FOXO1: variants seen among roughly 807,000 people sequenced by gnomAD.
FOXO1 encodes forkhead box protein O1.
FOXO1 carries 6 observed loss-of-function variants against 44.1 expected under a neutral mutation model. The observed-to-expected ratio is 0.14, with a 90% confidence interval of 0.07 to 0.27. The LOEUF is 0.27. FOXO1 is among the 10% of genes least tolerant of loss of function. FOXO1 has a pLI of 1.00. For missense variants in FOXO1, 737 were observed against 888.8 expected (o/e 0.83, Z 2.17); for synonymous variants, 380 against 362.7 (o/e 1.05, Z -0.54).
chr13:40,573,555 G>T (rs1874628438), intron 1 of FOXO1, among the ~76,000 whole-genome samples: 1 of 152,204 alleles, frequency 6.6e-6, no homozygotes, highest in African/African-American at 2.4e-5. Flanking sequence ...TTACCATATG[G>T]ACAGTGTTCC....
intron 1 of FOXO1, among the ~76,000 whole-genome samples, chr13:40,663,652 G>C (rs1878119914): frequency 6.6e-6 from 1 of 152,192 alleles, no homozygotes. Context: ...TCGATTTTGT[G>C]ACTTAATAGA....
chr13:40,609,292 A>G (rs527545662), intron 1 of FOXO1, among the ~76,000 whole-genome samples: 5 of 152,184 alleles, frequency 3.3e-5, no homozygotes, highest in African/African-American at 4.8e-5. Context: ...TCTGCTTGCC[A>G]TGACAAGGTT....
chr13:40,564,516 T>A (rs1874184265), intron 1 of FOXO1, among the ~76,000 whole-genome samples: 1 of 151,838 alleles, frequency 6.6e-6, no homozygotes, highest in Non-Finnish European at 1.5e-5. Flanking sequence ...GGGGGTGGGG[T>A]TTGAAAAGGT....
rs1878254188 is a variant in FOXO1, at chr13:40,666,306, C to G, written c.-94G>C. The G allele has an allele frequency of 9.2e-7, 1 of 1,088,000 alleles. No homozygotes were observed. Among genetic ancestry groups the G allele is most frequent in the South Asian group, 2.4e-5 (1 of 41,588 alleles). The allele number at this position is 1,088,000 out of a possible 1,614,324, so 67.4% of individuals were successfully genotyped here. A position where few individuals can be genotyped will look rare whatever the true frequency, so the allele number is the denominator to read the frequency against. On this transcript the variant is annotated 5_prime_UTR_variant, in exon 1 of 3. Transcript: ENST00000379561. ...GGGGAGGGGGCGCGAAGGGACGGTC[C>G]GAGATTTGGGGGAACGAAGCCGGTG...
intron 1 of FOXO1, among the ~76,000 whole-genome samples, chr13:40,650,180 C>T (rs1877634383): frequency 6.6e-6 from 1 of 152,134 alleles, no homozygotes. Flanking sequence ...CCTGACTTTG[C>T]CACAGCACTT....
At chr13:40,624,378 T>G (rs1381137572) in intron 1 of FOXO1, among the ~76,000 whole-genome samples, 1 of 149,212 alleles carries the variant, frequency 6.7e-6, no homozygotes, top group Non-Finnish European at 1.5e-5. Context: ...GAGAAATATG[T>G]TACTACAGGA....
In FOXO1 at chr13:40,560,726, T is replaced by C. The variant is rs1487787626; in HGVS notation, c.765A>G (p.Ala255=). The C allele has an allele frequency of 6.2e-7, 1 of 1,614,112 alleles. No individual in the cohort carries two copies. Among genetic ancestry groups the C allele is most frequent in the Non-Finnish European group, 8.5e-7 (1 of 1,180,046 alleles). Residue 255 remains alanine, a synonymous_variant, in exon 2 of 3, where the codon GCA becomes GCG. Transcript: ENST00000379561. The surrounding 1 kb of genome is among the most constrained non-coding windows in gnomAD (Gnocchi z 5.1). ...CAAATTTACTGTTGTTGTCCATGGA[T>C]GCAGCTCTTCTCCTAGGAGATTTCC... ...KSGKSPRRRA[A]SMDNNSKFAK...
At chr13:40,603,655 A>C (rs1411965255) in intron 1 of FOXO1, among the ~76,000 whole-genome samples, 1 of 152,178 alleles carries the variant, frequency 6.6e-6, no homozygotes, top group African/African-American at 2.4e-5. Flanking sequence ...TGTAAGAGGA[A>C]TCCAACTGAA....
chr13:40,627,734 G>A (rs1196486717), intron 1 of FOXO1, among the ~76,000 whole-genome samples: 2 of 151,886 alleles, frequency 1.3e-5, no homozygotes, highest in Non-Finnish European at 2.9e-5. Context: ...TCGGGAAGCT[G>A]AGACAGGAGA....
intron 1 of FOXO1, among the ~76,000 whole-genome samples, chr13:40,624,851 G>A (rs888987198): frequency 6.6e-6 from 1 of 152,084 alleles, no homozygotes; most frequent in Non-Finnish European, 1.5e-5. Flanking sequence ...AGTTTTTTAT[G>A]TATATAACAC....
chr13:40,647,344 A>G (rs751774004), intron 1 of FOXO1, among the ~76,000 whole-genome samples: 5 of 152,212 alleles, frequency 3.3e-5, no homozygotes, highest in African/African-American at 1.2e-4. Context: ...GTGCAAACAT[A>G]AGTATAAATA....
rs1378129951 is a variant in FOXO1 at position 40,557,417 on chromosome 13, C to A, written c.*1632G>T. 1 of 152,214 alleles carries A rather than the reference C, an allele frequency of 6.6e-6. No individual in the cohort carries two copies. The highest frequency in any genetic ancestry group is 1.5e-5 in the Non-Finnish European group (1 of 68,028). 9.4% of individuals were successfully genotyped at this position (152,214 alleles called of 1,614,324 possible). A position where few individuals can be genotyped will look rare whatever the true frequency, so the allele number is the denominator to read the frequency against. On this transcript the variant is annotated 3_prime_UTR_variant, in exon 3 of 3. Transcript: ENST00000379561. Reference sequence around the variant, plus strand: ...TACAGGCTAAAGAAATTTTCAAATTCTTAAGCCAAGGCTTTTAACATAATC... The same window carrying A: ...TACAGGCTAAAGAAATTTTCAAATTATTAAGCCAAGGCTTTTAACATAATC...
At chr13:40,651,529 ACTT>A (rs5803064) in intron 1 of FOXO1, among the ~76,000 whole-genome samples, 62,251 of 151,482 alleles carry the variant, frequency 0.41, 13,940 homozygotes, top group East Asian at 0.73. Context: ...ATACCAAATA[ACTT>A]CAAGAGAGGA....
chr13:40,652,427 G>A (rs904836220), intron 1 of FOXO1, among the ~76,000 whole-genome samples: 4 of 151,664 alleles, frequency 2.6e-5, no homozygotes, highest in African/African-American at 7.3e-5. Context: ...TAGTAAACAC[G>A]AGGTTTCGCC....
Position 40,559,973 on chromosome 13 carries a change from G to A in FOXO1, c.1518C>T (p.Thr506=). 2.5e-6 allele frequency: 4 copies of A among 1,614,164 alleles called. No individual in the cohort carries two copies. Among genetic ancestry groups the A allele is most frequent in the Non-Finnish European group, 3.4e-6 (4 of 1,180,030 alleles). The change falls in exon 2 of 3, where the codon ACC becomes ACT. Residue 506 remains threonine, a synonymous_variant. Transcript: ENST00000379561. ...TGTTATGAGATGCCTGGCTGCCATA[G>A]GTTGACATGACCGAATTAGGGCCCA... ...VMMGPNSVMS[T]YGSQASHNKM... is the part of the protein sequence containing the mutation.
chr13:40,659,024 G>A (rs971591567), intron 1 of FOXO1, among the ~76,000 whole-genome samples: 2 of 148,470 alleles, frequency 1.3e-5, no homozygotes, highest in African/African-American at 2.5e-5. Flanking sequence ...AAAAGAAAAA[G>A]AAAAGAAAAG....
chr13:40,665,736 C>T lies in FOXO1; in HGVS notation c.477G>A (p.Ala159=), dbSNP rs199899007. Residue 159 remains alanine (A), a synonymous_variant, in exon 1 of 3, where the codon GCG becomes GCA. Transcript: ENST00000379561. ...GGTCGGCGTAGGACAGGTTGCCCCACGCGTTGCGGCGGGACGAGCTGCTCT... is the reference window on the plus strand; with the variant it reads ...GGTCGGCGTAGGACAGGTTGCCCCATGCGTTGCGGCGGGACGAGCTGCTCT... ...PRKSSSSRRN[A]WGNLSYADLI... is the part of the protein sequence containing the mutation. 4.2e-5 allele frequency: 60 copies of T among 1,442,144 alleles called. No individual in the cohort carries two copies. Among genetic ancestry groups the T allele is most frequent in the Non-Finnish European group, 5.0e-5 (54 of 1,082,890 alleles). The allele number at this position is 1,442,144 out of a possible 1,614,324, so 89.3% of individuals were successfully genotyped here.
At chr13:40,645,909 A>G (rs1331260967) in intron 1 of FOXO1, among the ~76,000 whole-genome samples, 1 of 152,080 alleles carries the variant, frequency 6.6e-6, no homozygotes, top group East Asian at 1.9e-4. Flanking sequence ...TCTACTAAAA[A>G]TACAAAACTA....
intron 1 of FOXO1, among the ~76,000 whole-genome samples, chr13:40,611,893 CA>C (rs971897717): frequency 5.3e-5 from 8 of 151,984 alleles, no homozygotes; most frequent in African/African-American, 1.7e-4. Context: ...GGCAACATGG[CA>C]AAACCCCGTC....
Sources: gnomAD v4.1 joint callset for allele counts (sites outside exome capture counted in the v4.1 genomes callset) on GRCh38, gnomAD v4.1.1 for gene constraint, Gnocchi (gnomAD v3.1) non-coding constraint, MANE v1.5 for transcripts, NCBI Gene and HGNC (gene_info 2026-07-23, HGNC 2026-07-21) for gene names.